The following PPP6R2 variants were observed in gnomAD, a reference collection of about 807,000 sequenced individuals.
The protein encoded by PPP6R2 is serine/threonine-protein phosphatase 6 regulatory subunit 2.
A neutral mutation model predicts 100.2 loss-of-function variants in PPP6R2; 62 were observed. That is an observed-to-expected ratio of 0.62 (90% CI 0.50 to 0.76). The LOEUF (loss-of-function observed/expected upper bound fraction) is 0.76, where lower values mean the gene tolerates loss of function less well. PPP6R2 is among the 30% of genes least tolerant of loss of function. The pLI is 0.00. For synonymous variants in PPP6R2, 525 were observed against 514.7 expected (o/e 1.02, Z -0.27); for missense variants, 1,142 against 1,276.3 (o/e 0.89, Z 1.60).
rs199679407 is a variant in PPP6R2, at chr22:50,439,990, C to T, written c.2315C>T (p.Pro772Leu). 50 of 1,613,522 alleles carry T rather than the reference C, an allele frequency of 3.1e-5. No homozygotes were observed. The highest frequency in any genetic ancestry group is 1.6e-4 in the East Asian group (7 of 44,890). ...GAGTCAGGGCCCAGGTGCAGCTCTC[C>T]GGTGGACACAGAATGCAGCCATGCT... ...CSESGPRCSS[P>L]VDTECSHAEG... is the part of the protein sequence containing the mutation. Residue 772 changes from proline (P) to leucine (L), a missense_variant, in exon 21 of 24, where the codon CCG becomes CTG. By Grantham distance (98) the Pro-to-Leu change is moderately conservative (BLOSUM62 -3). Transcript: ENST00000612753.
chr22:50,444,050 G>C lies in PPP6R2; in HGVS notation c.2764G>C (p.Gly922Arg). 6.2e-7 allele frequency: 1 copy of C among 1,613,108 alleles called. No homozygotes were observed. Among genetic ancestry groups the C allele is most frequent in the East Asian group, 2.2e-5 (1 of 44,886 alleles). The change falls in exon 23 of 24, where the codon GGG becomes CGG. Residue 922 changes from glycine to arginine, a missense_variant. This residue lies in a region of PPP6R2 where 550 missense variants were observed against 517.4 expected (regional missense o/e 1.06). Coordinates refer to ENST00000612753, the MANE Select transcript of PPP6R2 (RefSeq NM_001242898.2). ...TGCACTGGCCGTGGCGGTCCCCCTA[G>C]GGCCCATCATGGCAGTCACAGCAGC... is the stretch of plus-strand genomic sequence containing the variant. ...SSALAVAVPL[G>R]PIMAVTAAPA...
At chr22:50,427,455 G>A (rs2147977651) in intron 10 of PPP6R2, among the ~76,000 whole-genome samples, 1 of 152,236 alleles carries the variant, frequency 6.6e-6, no homozygotes, top group East Asian at 1.9e-4. Context: ...ATTTTGGTAG[G>A]GATTGCATTG....
At chr22:50,436,042 T>C (rs1793526390) in intron 13 of PPP6R2, among the ~76,000 whole-genome samples, 1 of 152,220 alleles carries the variant, frequency 6.6e-6, no homozygotes, top group Non-Finnish European at 1.5e-5. Flanking sequence ...CTTCTGCGTT[T>C]CTGGGAGTTC....
At chr22:50,422,188 G>GAGTTA in intron 8 of PPP6R2, 66 bp from the exon 9 acceptor site, 2 of 1,571,460 alleles carry the variant, frequency 1.3e-6, no homozygotes, top group Non-Finnish European at 1.7e-6. Context: ...CGGGTGCACT[G>GAGTTA]AGTTGCTGGT....
chr22:50,413,649 ATCC>A (rs1569450275), intron 4 of PPP6R2, among the ~76,000 whole-genome samples: 4 of 150,334 alleles, frequency 2.7e-5, no homozygotes, highest in South Asian at 2.1e-4. Context: ...TCAAAGAGCC[ATCC>A]TCCTCTCCTC....
At chr22:50,333,029 C>CT in the PPP6R2 span, among the ~76,000 whole-genome samples, 1 of 152,084 alleles carries the variant, frequency 6.6e-6, no homozygotes, top group Non-Finnish European at 1.5e-5. Context: ...GGTTCAGCTA[C>CT]TTGGGAGGCT....
intron 1 of PPP6R2, among the ~76,000 whole-genome samples, chr22:50,350,688 T>C (rs902063063): frequency 3.3e-5 from 5 of 150,798 alleles, no homozygotes; most frequent in Non-Finnish European, 5.9e-5. Flanking sequence ...TACTAAAAAT[T>C]CAAAAAATTA....
Position 50,394,109 on chromosome 22 carries a change from G to C in PPP6R2, c.201G>C (p.Leu67=). The C allele has an allele frequency of 6.2e-7, 1 of 1,614,112 alleles. No homozygotes were observed. Among genetic ancestry groups the C allele is most frequent in the Non-Finnish European group, 8.5e-7 (1 of 1,180,010 alleles). The part of the protein sequence containing the change: ...LVSLITQDPP[L]DMEEKVRFKY... ...GCCTCATCACACAGGATCCGCCCCT[G>C]GACATGGAGGAGAAGGTCCGCTTCA... is the stretch of plus-strand genomic sequence containing the variant. The change falls in exon 3 of 24, where the codon CTG becomes CTC. Residue 67 remains leucine (L), a synonymous_variant. Transcript: ENST00000612753.
At chr22:50,366,261 A>G (rs1222312504) in intron 1 of PPP6R2, among the ~76,000 whole-genome samples, 2 of 151,678 alleles carry the variant, frequency 1.3e-5, no homozygotes, top group Admixed American at 1.3e-4. Context: ...TTTCCACTGC[A>G]ACTGGCAGGA....
At position 50,363,355 on chromosome 22, in the gene PPP6R2, G is replaced by C. The variant is rs186405170; in HGVS notation, c.-147-8665G>C. 9.5e-4 allele frequency among the ~76,000 whole-genome samples: 145 copies of C among 152,314 alleles called. 1 individual carries two copies. The highest frequency in any genetic ancestry group is 6.6e-4 in the Non-Finnish European group (45 of 68,030). On this transcript the variant is annotated intron_variant, in intron 1 of 23. Coordinates refer to ENST00000612753, the MANE Select transcript of PPP6R2 (RefSeq NM_001242898.2). ...GGAGAATCAGCAGTCGGGTGACTGG[G>C]CACTTCTCCATTGCCACAGTTAAGA... is the stretch of plus-strand genomic sequence containing the variant.
At chr22:50,355,633 G>C (rs899270967) in intron 1 of PPP6R2, among the ~76,000 whole-genome samples, 1 of 150,500 alleles carries the variant, frequency 6.6e-6, no homozygotes, top group African/African-American at 2.4e-5. Context: ...CCATTCTCCT[G>C]CCTCAGCCTC....
chr22:50,414,723 CA>C, intron 5 of PPP6R2, 34 bp downstream of exon 5: 3 of 1,599,112 alleles, frequency 1.9e-6, no homozygotes, highest in Non-Finnish European at 2.6e-6. Flanking sequence ...TTCCCGAGGG[CA>C]GGGGTGCTGC....
chr22:50,376,370 C>T (rs981449445), intron 2 of PPP6R2, among the ~76,000 whole-genome samples: 1 of 152,094 alleles, frequency 6.6e-6, no homozygotes, highest in African/African-American at 2.4e-5. Flanking sequence ...AACACTTCCT[C>T]AAAGACTTCA....
At chr22:50,363,799 T>C (rs2048235292) in intron 1 of PPP6R2, among the ~76,000 whole-genome samples, 1 of 152,210 alleles carries the variant, frequency 6.6e-6, no homozygotes, top group Admixed American at 6.5e-5. Flanking sequence ...TCCATTTACT[T>C]ATTTTACTAG....
At chr22:50,356,138 A>G (rs1393449546) in intron 1 of PPP6R2, among the ~76,000 whole-genome samples, 3 of 143,064 alleles carry the variant, frequency 2.1e-5, no homozygotes, top group Non-Finnish European at 3.1e-5. Context: ...AATTTTTTCT[A>G]TTTTTTTAGT....
chr22:50,356,535 C>G (rs953241986), intron 1 of PPP6R2, among the ~76,000 whole-genome samples: 1 of 151,972 alleles, frequency 6.6e-6, no homozygotes, highest in South Asian at 2.1e-4. Context: ...AAAATTCTTA[C>G]ATTAATACAA....
At chr22:50,389,847 G>T (rs145492826) in intron 2 of PPP6R2, among the ~76,000 whole-genome samples, 1 of 151,722 alleles carries the variant, frequency 6.6e-6, no homozygotes, top group African/African-American at 2.4e-5. Context: ...CCTTGGCCCC[G>T]CAAAATGCTG....
chr22:50,368,587 A>G (rs76513894), intron 1 of PPP6R2, among the ~76,000 whole-genome samples: 1,922 of 152,276 alleles, frequency 0.013, 34 homozygotes, highest in East Asian at 0.064. Context: ...TTCTAGTATA[A>G]CTATTCTTAC....
At chr22:50,368,376 T>C (rs7511088) in intron 1 of PPP6R2, among the ~76,000 whole-genome samples, 125,061 of 152,134 alleles carry the variant, frequency 0.82, 51,997 homozygotes, top group African/African-American at 0.94. Flanking sequence ...AAGGAGTCCT[T>C]TAGTGGCCCT....
Sources: gnomAD v4.1 joint callset for allele counts (sites outside exome capture counted in the v4.1 genomes callset) on GRCh38, gnomAD v4.1.1 for gene constraint, gnomAD v4.1.1 regional missense constraint, MANE v1.5 for transcripts, NCBI Gene and HGNC (gene_info 2026-07-23, HGNC 2026-07-21) for gene names.